COP1: variants seen among roughly 807,000 people sequenced by gnomAD.
The protein encoded by COP1 is E3 ubiquitin-protein ligase COP1.
A neutral mutation model predicts 101.3 loss-of-function variants in COP1; 24 were observed. That is an observed-to-expected ratio of 0.24 (90% CI 0.17 to 0.33). The LOEUF is 0.33. COP1 is among the 10% of genes least tolerant of loss of function. The pLI, the probability that COP1 is intolerant of heterozygous loss-of-function variation, is 1.00. For synonymous variants in COP1, 347 were observed against 341.9 expected (o/e 1.01, Z -0.17); for missense variants, 663 against 906.2 (o/e 0.73, Z 3.45).
intron 18 of COP1, among the ~76,000 whole-genome samples, chr1:175,952,481 A>AT (rs1650075459): frequency 6.6e-6 from 1 of 152,132 alleles, no homozygotes; most frequent in African/African-American, 2.4e-5. Context: ...ACACAAAATT[A>AT]AAGTCAAAAT....
In COP1 at chr1:176,206,901, G is replaced by T; in HGVS notation, c.78C>A (p.Ser26=). 1 of 1,465,512 alleles carries T rather than the reference G, an allele frequency of 6.8e-7. No homozygotes were observed. The highest frequency in any genetic ancestry group is 9.0e-7 in the Non-Finnish European group (1 of 1,114,244). 90.8% of individuals were successfully genotyped at this position (1,465,512 alleles called of 1,614,324 possible). The part of the protein sequence containing the change: ...PGSSAASSVT[S]ASSSLSSSPS... ...GGGAAGAGGATAAAGACGAGGAGGC[G>T]GAAGTCACCGAGGAGGCCGCCGAGG... The change falls in exon 1 of 20, where the codon TCC becomes TCA. Residue 26 remains serine, a synonymous_variant. Coordinates refer to ENST00000367669, the MANE Select transcript of COP1 (RefSeq NM_022457.7).
intron 15 of COP1, among the ~76,000 whole-genome samples, chr1:176,006,202 T>C (rs1408055266): frequency 1.3e-5 from 2 of 152,074 alleles, no homozygotes; most frequent in South Asian, 2.1e-4. Flanking sequence ...ATTTGCTTGG[T>C]AGATCTTCCT....
At chr1:175,958,161 A>G (rs1284522551) in intron 18 of COP1, among the ~76,000 whole-genome samples, 3 of 152,126 alleles carry the variant, frequency 2.0e-5, no homozygotes, top group Non-Finnish European at 1.5e-5. Context: ...TATGTAGTTT[A>G]TATTTATGTA....
At chr1:175,991,609 T>G (rs1419379371) in intron 15 of COP1, among the ~76,000 whole-genome samples, 1 of 152,234 alleles carries the variant, frequency 6.6e-6, no homozygotes, top group Non-Finnish European at 1.5e-5. Flanking sequence ...AAAAAATTTT[T>G]AAAGCTTTTT....
chr1:176,009,870 G>A (rs906363734), intron 15 of COP1, among the ~76,000 whole-genome samples: 15 of 43,844 alleles, frequency 3.4e-4, no homozygotes, highest in African/African-American at 6.9e-4. Context: ...TATAAGTTTA[G>A]GTTACTTGGG....
At position 175,986,823 on chromosome 1, in the gene COP1, A is replaced by G. The variant is rs1230877480; in HGVS notation, c.2133+120T>C. ...CCTATTGTCTTTGGTGACACATTAC[A>G]AAGTTTTTTAAAAAGTACATACCAC... is the stretch of plus-strand genomic sequence containing the variant. On this transcript the variant is annotated intron_variant, in intron 18 of 19. Coordinates refer to ENST00000367669, the MANE Select transcript of COP1 (RefSeq NM_022457.7). The G allele has an allele frequency of 8.4e-6, 6 of 711,754 alleles. No individual in the cohort carries two copies. The East Asian group carries it at 1.4e-4, about 17-fold the overall frequency. The allele number at this position is 711,754 out of a possible 1,614,324, so 44.1% of individuals were successfully genotyped here.
intron 15 of COP1, among the ~76,000 whole-genome samples, chr1:176,007,696 C>G (rs1254248406): frequency 6.6e-6 from 1 of 152,130 alleles, no homozygotes; most frequent in Non-Finnish European, 1.5e-5. Context: ...AGGCAGTCTG[C>G]CTGTTCTCAG....
Position 176,156,173 on chromosome 1 carries a change from T to C in COP1, c.762+6696A>G, listed in dbSNP as rs981787063. ...AGGGGAAGTTTAGTAAACTGAGTTA[T>C]GTGGTATACCATATATTCAAGATTG... On this transcript the variant is annotated intron_variant, in intron 5 of 19. Transcript: ENST00000367669. Among the ~76,000 whole-genome samples, 4 of 152,286 alleles carry C rather than the reference T, an allele frequency of 2.6e-5. No homozygotes were observed. The East Asian group carries it at 5.8e-4, about 22-fold the overall frequency.
chr1:176,057,283 T>G lies in COP1; in HGVS notation c.1278-10959A>C, dbSNP rs76813070. On this transcript the variant is annotated intron_variant, in intron 11 of 19. Coordinates refer to ENST00000367669, the MANE Select transcript of COP1 (RefSeq NM_022457.7). ...CTTTGCTATAATAAGAACTTAAGAGTGTATTCCCTCCCCACTTCAAGAATG... is the reference window on the plus strand; with the variant it reads ...CTTTGCTATAATAAGAACTTAAGAGGGTATTCCCTCCCCACTTCAAGAATG... Among the ~76,000 whole-genome samples, 1,465 of 152,016 alleles carry G rather than the reference T, an allele frequency of 9.6e-3. 25 individuals are homozygous for G. Among genetic ancestry groups the G allele is most frequent in the African/African-American group, 0.033 (1,365 of 41,452 alleles).
intron 14 of COP1, among the ~76,000 whole-genome samples, chr1:176,029,611 G>A (rs1668320979): frequency 6.6e-6 from 1 of 152,160 alleles, no homozygotes; most frequent in Non-Finnish European, 1.5e-5. Context: ...TCCAGAGAGG[G>A]TCCAGGTACT....
chr1:176,012,009 A>T (rs972645446), intron 15 of COP1, among the ~76,000 whole-genome samples: 1 of 149,440 alleles, frequency 6.7e-6, no homozygotes, highest in African/African-American at 2.5e-5. Context: ...TCTATTAATT[A>T]AAAAAAAAAC....
intron 3 of COP1, among the ~76,000 whole-genome samples, chr1:176,170,247 T>C (rs1269888288): frequency 6.6e-6 from 1 of 152,198 alleles, no homozygotes; most frequent in Admixed American, 6.5e-5. Context: ...CCTCCTCCCA[T>C]GAAACATGAG....
intron 3 of COP1, among the ~76,000 whole-genome samples, chr1:176,171,628 G>A (rs1376715661): frequency 1.3e-5 from 2 of 152,138 alleles, no homozygotes; most frequent in Admixed American, 1.3e-4. Context: ...TGAGCACATG[G>A]TAGTGGAAAA....
Position 175,988,378 on chromosome 1 carries a change from C to A in COP1, c.1882G>T (p.Gly628Trp). The A allele has an allele frequency of 1.9e-6, 3 of 1,609,410 alleles. No homozygotes were observed. The highest frequency in any genetic ancestry group is 2.5e-6 in the Non-Finnish European group (3 of 1,176,820). Residue 628 changes from glycine to tryptophan, a missense_variant, in exon 17 of 20, where the codon GGG becomes TGG. Physicochemically the swap from Gly to Trp is radical, Grantham distance 184. Around this residue, in one of 4 missense-constraint regions of COP1, gnomAD observed 209 missense variants for 383.3 expected, o/e 0.55. Transcript: ENST00000367669. ...AAGGAACGTAGGCAGTATGGTTTCC[C>A]TACATTCCACAGTTTTAGCTGACTG... ...TDSQLKLWNV[G>W]KPYCLRSFKG...
Position 175,945,109 on chromosome 1 carries a change from T to C in COP1, c.*44A>G, listed in dbSNP as rs749701411. The C allele has an allele frequency of 4.3e-6, 6 of 1,401,170 alleles. No individual in the cohort carries two copies. Among genetic ancestry groups the C allele is most frequent in the Non-Finnish European group, 2.0e-6 (2 of 992,960 alleles). 86.8% of individuals were successfully genotyped at this position (1,401,170 alleles called of 1,614,324 possible). ...TTCTTCTCTCATTGTCAGCTGCAGA[T>C]GTATTTCAGCAGGATCAAGTACAAT... On this transcript the variant is annotated 3_prime_UTR_variant, in exon 20 of 20. Transcript: ENST00000367669.
intron 1 of COP1, among the ~76,000 whole-genome samples, chr1:176,206,126 C>G (rs1384932354): frequency 6.6e-6 from 1 of 152,184 alleles, no homozygotes; most frequent in African/African-American, 2.4e-5. Context: ...ACCAACTCCA[C>G]CCCTCTGCAT....
chr1:176,165,640 C>T (rs1196982095), intron 3 of COP1, among the ~76,000 whole-genome samples: 3 of 151,988 alleles, frequency 2.0e-5, no homozygotes, highest in Non-Finnish European at 2.9e-5. Flanking sequence ...GAGCCAAGAT[C>T]GTGTCACTGC....
chr1:176,135,170 T>C, intron 7 of COP1, 84 bp from the exon 8 acceptor site: 1 of 884,966 alleles, frequency 1.1e-6, no homozygotes. Context: ...TATTCCTTTC[T>C]ATTCCCAGGT....
Position 175,956,641 on chromosome 1 carries a change from C to G in COP1, c.2134-9402G>C, listed in dbSNP as rs146860134. On this transcript the variant is annotated intron_variant, in intron 18 of 19. Transcript: ENST00000367669. The stretch of plus-strand genomic sequence containing the variant: ...AAATGGAATGATTTTAGGATGCTGG[C>G]AGGAGTGCAAAATATAGTCATGCAC... 2.6e-3 allele frequency among the ~76,000 whole-genome samples: 399 copies of G among 152,280 alleles called. 3 individuals carry two copies. Among genetic ancestry groups the G allele is most frequent in the African/African-American group, 9.2e-3 (381 of 41,552 alleles).
Sources: gnomAD v4.1 joint callset for allele counts (sites outside exome capture counted in the v4.1 genomes callset) on GRCh38, gnomAD v4.1.1 for gene constraint, gnomAD v4.1.1 regional missense constraint, MANE v1.5 for transcripts, NCBI Gene and HGNC (gene_info 2026-07-23, HGNC 2026-07-21) for gene names.